FBXW7: variants seen among roughly 807,000 people sequenced by gnomAD.
The protein encoded by FBXW7 is F-box/WD repeat-containing protein 7.
FBXW7 carries 11 observed loss-of-function variants against 86.3 expected under a neutral mutation model. The ratio of observed to expected loss-of-function variants is 0.13; its 90% confidence interval spans 0.08 to 0.21. The LOEUF (loss-of-function observed/expected upper bound fraction) is 0.21, where lower values mean the gene tolerates loss of function less well. Ranked by LOEUF, FBXW7 falls within the 10% of genes least tolerant of loss-of-function variation. The pLI, the probability that FBXW7 is intolerant of heterozygous loss-of-function variation, is 1.00. For missense variants in FBXW7, 488 were observed against 847.4 expected, an observed-to-expected ratio of 0.58 and a Z score of 5.27; for synonymous variants, 313 against 297.9, an observed-to-expected ratio of 1.05 and a Z score of -0.52.
chr4:152,449,933 A>C (rs551080513), intron 2 of FBXW7, among the ~76,000 whole-genome samples: 15 of 152,348 alleles, frequency 9.8e-5, no homozygotes, highest in African/African-American at 3.1e-4. Flanking sequence ...ATGATTGCTA[A>C]TGTAAGAGCA....
intron 4 of FBXW7, among the ~76,000 whole-genome samples, chr4:152,404,682 C>T (rs936002372): frequency 2.0e-5 from 3 of 152,172 alleles, no homozygotes; most frequent in Non-Finnish European, 4.4e-5. Flanking sequence ...TTTTTAACTT[C>T]TCCTCAGGGC....
At chr4:152,344,551 T>A (rs1731075914) in intron 6 of FBXW7, among the ~76,000 whole-genome samples, 1 of 151,850 alleles carries the variant, frequency 6.6e-6, no homozygotes, top group East Asian at 1.9e-4. Flanking sequence ...TTTTTTCACA[T>A]TAACATTTCC....
chr4:152,435,065 TGGGGAGGGGA>T (rs1208603429), intron 2 of FBXW7, among the ~76,000 whole-genome samples: 227 of 11,770 alleles, frequency 0.019, 7 homozygotes, highest in African/African-American at 0.043. Context: ...ACGAGAGGCC[TGGGGAGGGGA>T]GGGGAGGGGA....
At chr4:152,356,904 T>C (rs1420711053) in intron 4 of FBXW7, among the ~76,000 whole-genome samples, 1 of 152,220 alleles carries the variant, frequency 6.6e-6, no homozygotes, top group African/African-American at 2.4e-5. Flanking sequence ...TACTTTGTGT[T>C]GGGCACAGAA....
At chr4:152,424,042 T>C (rs979639837) in intron 2 of FBXW7, among the ~76,000 whole-genome samples, 5 of 152,252 alleles carry the variant, frequency 3.3e-5, no homozygotes, top group Middle Eastern at 3.4e-3. Flanking sequence ...TTACTTTTTT[T>C]CCATTTTTTG....
intron 2 of FBXW7, among the ~76,000 whole-genome samples, chr4:152,486,645 C>T (rs868720948): frequency 6.6e-6 from 1 of 152,196 alleles, no homozygotes; most frequent in Middle Eastern, 3.4e-3. Flanking sequence ...CCTATAATAA[C>T]AATGTCTCTG....
intron 2 of FBXW7, among the ~76,000 whole-genome samples, chr4:152,462,800 C>T (rs1278152253): frequency 6.6e-6 from 1 of 152,196 alleles, no homozygotes; most frequent in Non-Finnish European, 1.5e-5. Context: ...AAAGAAGAAT[C>T]TCGAAATTCT....
chr4:152,379,192 A>G (rs912212520), intron 4 of FBXW7, among the ~76,000 whole-genome samples: 1 of 152,198 alleles, frequency 6.6e-6, no homozygotes, highest in South Asian at 2.1e-4. Flanking sequence ...GAAATATAAC[A>G]TTACCATAAT....
chr4:152,436,730 G>C (rs1268999785), intron 2 of FBXW7, among the ~76,000 whole-genome samples: 1 of 152,150 alleles, frequency 6.6e-6, no homozygotes, highest in East Asian at 1.9e-4. Flanking sequence ...AAAAACTGTA[G>C]AGCTCTTAAG....
chr4:152,492,145 T>C (rs1261931894), intron 2 of FBXW7, among the ~76,000 whole-genome samples: 1 of 152,218 alleles, frequency 6.6e-6, no homozygotes, highest in Non-Finnish European at 1.5e-5. Context: ...AATGGAATAA[T>C]ACAGTATCAT....
intron 2 of FBXW7, among the ~76,000 whole-genome samples, chr4:152,449,954 G>A (rs1423969462): frequency 6.6e-6 from 1 of 152,024 alleles, no homozygotes; most frequent in Non-Finnish European, 1.5e-5. Flanking sequence ...CCCTTTTTGG[G>A]GAAGATAGTC....
intron 12 of FBXW7, 96 bp downstream of exon 12, chr4:152,325,910 G>T: frequency 3.3e-6 from 3 of 917,684 alleles, no homozygotes; most frequent in Non-Finnish European, 3.4e-6. Context: ...ATCTTTTTTG[G>T]ACTGTACTGG....
At chr4:152,436,453 G>A (rs927038939) in intron 2 of FBXW7, among the ~76,000 whole-genome samples, 4 of 152,220 alleles carry the variant, frequency 2.6e-5, no homozygotes, top group Non-Finnish European at 5.9e-5. Context: ...ATAAGTACAA[G>A]GTAAAGCAGC....
chr4:152,521,375 C>G (rs1370295062), intron 2 of FBXW7, among the ~76,000 whole-genome samples: 1 of 152,000 alleles, frequency 6.6e-6, no homozygotes, highest in Non-Finnish European at 1.5e-5. Context: ...GCAGAGGAAA[C>G]AGCAAGGTGT....
At chr4:152,522,703 C>T (rs1749136649) in intron 2 of FBXW7, among the ~76,000 whole-genome samples, 1 of 152,092 alleles carries the variant, frequency 6.6e-6, no homozygotes, top group Non-Finnish European at 1.5e-5. Flanking sequence ...CCCTGGGGAC[C>T]CTGTTATAGA....
At chr4:152,409,939 T>C (rs886701294) in intron 4 of FBXW7, among the ~76,000 whole-genome samples, 1 of 152,118 alleles carries the variant, frequency 6.6e-6, no homozygotes, top group Admixed American at 6.6e-5. Context: ...AAAAAGGTAA[T>C]CATCATACAC....
chr4:152,367,639 T>C lies in FBXW7; in HGVS notation c.502-17515A>G, dbSNP rs535364711. The stretch of plus-strand genomic sequence containing the variant: ...CATTTCTGGGCATACCATTCACTTC[T>C]AACTTTGTATGCAGATAAAACATTC... On this transcript the variant is annotated intron_variant, in intron 4 of 13. Coordinates refer to ENST00000281708, the MANE Select transcript of FBXW7 (RefSeq NM_001349798.2). Among the ~76,000 whole-genome samples the C allele has an allele frequency of 3.5e-4, 54 of 152,250 alleles. 3 individuals carry two copies. In the South Asian group the frequency reaches 0.011, roughly 32 times the overall value.
intron 2 of FBXW7, among the ~76,000 whole-genome samples, chr4:152,456,494 C>A (rs879522460): frequency 6.6e-6 from 1 of 151,772 alleles, no homozygotes; most frequent in Admixed American, 6.6e-5. Context: ...TATGATCACA[C>A]CACTGCACTC....
intron 7 of FBXW7, 166 bp downstream of exon 7, chr4:152,337,636 T>C (rs940712582): frequency 3.3e-6 from 2 of 603,810 alleles, no homozygotes; most frequent in Non-Finnish European, 5.4e-6. Flanking sequence ...AATTACATTA[T>C]TAAGTCATGG....
Sources: gnomAD v4.1 joint callset for allele counts (sites outside exome capture counted in the v4.1 genomes callset) on GRCh38, gnomAD v4.1.1 for gene constraint, MANE v1.5 for transcripts, NCBI Gene and HGNC (gene_info 2026-07-23, HGNC 2026-07-21) for gene names.